SCIMP: variants seen among roughly 807,000 people sequenced by gnomAD.
The protein encoded by SCIMP is SLP adapter and CSK-interacting membrane protein.
SCIMP carries 18 observed loss-of-function variants against 22.0 expected under a neutral mutation model. The observed-to-expected ratio is 0.82, with a 90% CI of 0.56 to 1.21. The LOEUF is 1.21. Among genes scored for constraint, SCIMP ranks in the 50% most tolerant of loss-of-function variants. The pLI, the probability that SCIMP is intolerant of heterozygous loss-of-function variation, is 0.00. For synonymous variants in SCIMP, 53 were observed against 62.2 expected (o/e 0.85, Z 0.70); for missense variants, 155 against 171.2 (o/e 0.91, Z 0.53).
At position 5,210,288 on chromosome 17, in the gene SCIMP, G is replaced by A. The variant is rs2074517428; in HGVS notation, c.*513C>T. On this transcript the variant is annotated 3_prime_UTR_variant, in exon 5 of 5. Coordinates refer to ENST00000574081, the MANE Select transcript of SCIMP (RefSeq NM_207103.3). The stretch of plus-strand genomic sequence containing the variant: ...CGCGAGATGTGGTGTGGGAACCTGG[G>A]CACGAGAGCACTCAGCTGTAACTCA... 6.5e-6 allele frequency: 1 copy of A among 152,724 alleles called. No homozygotes were observed. The highest frequency in any genetic ancestry group is 1.5e-5 in the Non-Finnish European group (1 of 68,478). The allele number at this position is 152,724 out of a possible 1,614,324, so 9.5% of individuals were successfully genotyped here.
At chr17:5,231,055 G>C (rs921809924) in intron 1 of SCIMP, among the ~76,000 whole-genome samples, 1 of 152,028 alleles carries the variant, frequency 6.6e-6, no homozygotes, top group Non-Finnish European at 1.5e-5. Flanking sequence ...TCATAGTAAT[G>C]GTTGTTTAAG....
At chr17:5,229,508 C>T (rs1206045517) in intron 1 of SCIMP, among the ~76,000 whole-genome samples, 2 of 140,330 alleles carry the variant, frequency 1.4e-5, no homozygotes, top group Non-Finnish European at 3.0e-5. Context: ...ATTCTCCTGT[C>T]TTAGCCTCCC....
At chr17:5,224,857 G>T (rs1399557010) in intron 1 of SCIMP, among the ~76,000 whole-genome samples, 1 of 152,122 alleles carries the variant, frequency 6.6e-6, no homozygotes, top group East Asian at 1.9e-4. Context: ...TAGCTGGATG[G>T]GTCTCTTTGA....
chr17:5,211,899 T>C (rs1213978428), intron 4 of SCIMP, among the ~76,000 whole-genome samples: 1 of 151,892 alleles, frequency 6.6e-6, no homozygotes. Context: ...AATACAAAAA[T>C]TAGCTGGGCG....
intron 1 of SCIMP, among the ~76,000 whole-genome samples, chr17:5,234,179 G>T (rs4069687): frequency 0.43 from 65,197 of 151,944 alleles, 17,518 homozygotes; most frequent in Non-Finnish European, 0.61. Flanking sequence ...GCTGAGGCAG[G>T]AGAATCGCTT....
At chr17:5,218,174 C>G (rs949972781) in intron 3 of SCIMP, among the ~76,000 whole-genome samples, 1 of 151,734 alleles carries the variant, frequency 6.6e-6, no homozygotes, top group Non-Finnish European at 1.5e-5. Flanking sequence ...TACAGGCAGA[C>G]ACCACCACAC....
intron 2 of SCIMP, among the ~76,000 whole-genome samples, chr17:5,221,631 G>A (rs958226308): frequency 3.3e-5 from 5 of 152,116 alleles, no homozygotes; most frequent in African/African-American, 9.7e-5. Flanking sequence ...ATAAAGAATC[G>A]GAAAAGCAGT....
intron 2 of SCIMP, among the ~76,000 whole-genome samples, chr17:5,222,191 A>G (rs547134903): frequency 1.4e-5 from 2 of 146,842 alleles, no homozygotes; most frequent in Non-Finnish European, 1.5e-5. Flanking sequence ...CCAGGTTCAC[A>G]CCATTCTCCT....
intron 1 of SCIMP, among the ~76,000 whole-genome samples, chr17:5,225,077 G>A (rs1419807458): frequency 3.9e-5 from 6 of 152,234 alleles, no homozygotes; most frequent in Admixed American, 1.3e-4. Context: ...TGACCAAGGC[G>A]TTTCTAGGAC....
chr17:5,229,009 G>A (rs1360196118), intron 1 of SCIMP, among the ~76,000 whole-genome samples: 1 of 152,158 alleles, frequency 6.6e-6, no homozygotes, highest in Non-Finnish European at 1.5e-5. Context: ...GCCTCATCTG[G>A]ACACGCGACC....
chr17:5,225,599 A>G (rs2074641631), intron 1 of SCIMP, among the ~76,000 whole-genome samples: 1 of 151,832 alleles, frequency 6.6e-6, no homozygotes, highest in African/African-American at 2.4e-5. Context: ...CTTCTCTACT[A>G]AAAATACAAA....
intron 3 of SCIMP, among the ~76,000 whole-genome samples, chr17:5,218,440 A>G (rs1261732237): frequency 2.0e-5 from 3 of 152,120 alleles, no homozygotes; most frequent in East Asian, 3.9e-4. Context: ...CCTGGGTTCA[A>G]GCAATTCTCC....
At chr17:5,223,021 G>A (rs939181117) in intron 2 of SCIMP, among the ~76,000 whole-genome samples, 3 of 152,070 alleles carry the variant, frequency 2.0e-5, no homozygotes, top group Non-Finnish European at 2.9e-5. Flanking sequence ...GTGCGCAGTA[G>A]CCACATAGGG....
chr17:5,213,207 A>AG (rs1270954327), intron 4 of SCIMP: 7 of 983,456 alleles, frequency 7.1e-6, no homozygotes, highest in African/African-American at 3.5e-5. Flanking sequence ...CCCTTATATC[A>AG]GGCTATTGGG....
At chr17:5,223,533 A>G in intron 1 of SCIMP, 77 bp from the exon 2 acceptor site, 2 of 1,430,368 alleles carry the variant, frequency 1.4e-6, no homozygotes, top group Non-Finnish European at 1.9e-6. Flanking sequence ...GCAGTTATCT[A>G]CTGTGGGTTG....
At position 5,223,333 on chromosome 17, in the gene SCIMP, C is replaced by T. The variant is rs1487270228; in HGVS notation, c.145G>A (p.Gly49Ser). Residue 49 changes from glycine to serine, a missense_variant and splice_region_variant, in exon 2 of 5, where the codon GGC becomes AGC. Coordinates refer to ENST00000574081, the MANE Select transcript of SCIMP (RefSeq NM_207103.3). ...CCTGCCTAGGTAAAATGGCCATTACCTCGTCTAAGCTGCCACTTACAGACA... is the reference window on the plus strand; with the variant it reads ...CCTGCCTAGGTAAAATGGCCATTACTTCGTCTAAGCTGCCACTTACAGACA... ...YCVCKWQLRRGKKWEIAKPLK... is the reference protein window; with the variant it reads ...YCVCKWQLRRSKKWEIAKPLK... 1.2e-6 allele frequency: 2 copies of T among 1,613,500 alleles called. No individual in the cohort carries two copies. Among genetic ancestry groups the T allele is most frequent in the African/African-American group, 1.3e-5 (1 of 74,890 alleles).
At chr17:5,221,427 C>G in intron 2 of SCIMP, 77 bp from the exon 3 acceptor site, 1 of 1,024,170 alleles carries the variant, frequency 9.8e-7, no homozygotes, top group Non-Finnish European at 1.6e-6. Flanking sequence ...AGAGAAAACA[C>G]ACTTAGGGAC....
chr17:5,229,719 T>C (rs1287170327), intron 1 of SCIMP, among the ~76,000 whole-genome samples: 3 of 151,640 alleles, frequency 2.0e-5, no homozygotes, highest in Non-Finnish European at 4.4e-5. Flanking sequence ...TAAAAGAAGA[T>C]CTTCAGTAAG....
intron 3 of SCIMP, among the ~76,000 whole-genome samples, chr17:5,217,777 G>A (rs1011545806): frequency 6.6e-6 from 1 of 152,008 alleles, no homozygotes; most frequent in African/African-American, 2.4e-5. Flanking sequence ...ATTCCATGGT[G>A]TATGTGTGCC....
Sources: gnomAD v4.1 joint callset for allele counts (sites outside exome capture counted in the v4.1 genomes callset) on GRCh38, gnomAD v4.1.1 for gene constraint, MANE v1.5 for transcripts, NCBI Gene and HGNC (gene_info 2026-07-23, HGNC 2026-07-21) for gene names.